Variants in SPOCK1 observed in about 807,000 individuals in gnomAD.
The protein encoded by SPOCK1 is SPARC (osteonectin), cwcv and kazal like domains proteoglycan 1, also known as testican-1.
SPOCK1 carries 23 observed loss-of-function variants against 55.3 expected under a neutral mutation model. The observed-to-expected ratio is 0.42, with a 90% CI of 0.30 to 0.59. The LOEUF is 0.59. Ranked by LOEUF, SPOCK1 falls within the 20% of genes least tolerant of loss-of-function variation. SPOCK1 has a pLI of 0.22. For synonymous variants in SPOCK1, 226 were observed against 221.0 expected (o/e 1.02, Z -0.20); for missense variants, 499 against 552.5 (o/e 0.90, Z 0.97).
chr5:137,045,106 G>A (rs1382131980), intron 6 of SPOCK1, among the ~76,000 whole-genome samples: 9 of 150,586 alleles, frequency 6.0e-5, no homozygotes, highest in African/African-American at 9.9e-5. Context: ...ATAAACATAC[G>A]TGTGCATGTG....
chr5:137,346,426 G>A (rs898242263), intron 2 of SPOCK1, among the ~76,000 whole-genome samples: 2 of 152,174 alleles, frequency 1.3e-5, no homozygotes, highest in African/African-American at 4.8e-5. Context: ...CCTGCTTCCA[G>A]CTATAACTCC....
intron 4 of SPOCK1, among the ~76,000 whole-genome samples, chr5:137,113,932 C>A (rs1561614143): frequency 6.6e-6 from 1 of 152,124 alleles, no homozygotes. Flanking sequence ...CTACCCTCTT[C>A]CAAATGAAGG....
At chr5:137,397,279 C>T (rs756906623) in intron 2 of SPOCK1, among the ~76,000 whole-genome samples, 7 of 152,220 alleles carry the variant, frequency 4.6e-5, no homozygotes, top group Non-Finnish European at 1.0e-4. Flanking sequence ...GAGCCACGCA[C>T]ACTCCTCCTC....
chr5:137,039,296 T>TTTG (rs1167984411), intron 6 of SPOCK1, among the ~76,000 whole-genome samples: 3 of 144,422 alleles, frequency 2.1e-5, no homozygotes, highest in Admixed American at 6.9e-5. Flanking sequence ...TTTTTTTTTT[T>TTTG]TTGTTGTTGC....
At chr5:137,008,007 G>A (rs1218420141) in intron 6 of SPOCK1, among the ~76,000 whole-genome samples, 1 of 151,782 alleles carries the variant, frequency 6.6e-6, no homozygotes, top group Admixed American at 6.6e-5. Context: ...GATGAAGCTG[G>A]AAACCATCAT....
intron 3 of SPOCK1, among the ~76,000 whole-genome samples, chr5:137,178,607 C>T (rs79575781): frequency 0.12 from 18,689 of 152,174 alleles, 1,323 homozygotes; most frequent in South Asian, 0.21. Context: ...ACAGAGTCTG[C>T]GGGGGAAGAA....
intron 3 of SPOCK1, among the ~76,000 whole-genome samples, chr5:137,152,932 C>G (rs779558734): frequency 5.9e-5 from 9 of 152,152 alleles, no homozygotes; most frequent in African/African-American, 1.4e-4. Flanking sequence ...TAGAATTTGC[C>G]GGAGATAATC....
intron 2 of SPOCK1, among the ~76,000 whole-genome samples, chr5:137,469,095 GA>G (rs1387094438): frequency 3.3e-5 from 5 of 152,200 alleles, no homozygotes; most frequent in Non-Finnish European, 7.4e-5. Context: ...GAAGTTGAAA[GA>G]ACTGGATTCC....
chr5:137,152,700 T>G (rs1754340556), intron 3 of SPOCK1, among the ~76,000 whole-genome samples: 1 of 152,200 alleles, frequency 6.6e-6, no homozygotes, highest in South Asian at 2.1e-4. Flanking sequence ...CATGACTCTG[T>G]CTTCTACAGT....
At position 137,277,596 on chromosome 5, in the gene SPOCK1, C is replaced by T. The variant is rs114707983; in HGVS notation, c.187-10541G>A. On this transcript the variant is annotated intron_variant, in intron 2 of 10. Transcript: ENST00000394945. The stretch of plus-strand genomic sequence containing the variant: ...AAATGGGAGGTGACAGCACAGATGA[C>T]GGGCCTCTCAAGAGATTCTCACTAC... Among the ~76,000 whole-genome samples the T allele has an allele frequency of 4.3e-3, 648 of 152,226 alleles. 3 individuals carry two copies. Among genetic ancestry groups the T allele is most frequent in the African/African-American group, 0.015 (623 of 41,512 alleles).
chr5:137,356,873 A>AGAGAGAGAGATAGT (rs796667572), intron 2 of SPOCK1, among the ~76,000 whole-genome samples: 2 of 69,824 alleles, frequency 2.9e-5, no homozygotes, highest in African/African-American at 1.5e-4. Context: ...AGAGAGAGAG[A>AGAGAGAGAGATAGT]GAGTATGCAG....
Position 137,426,377 on chromosome 5 carries a change from G to A in SPOCK1, c.186+71996C>T, listed in dbSNP as rs368219264. 1.6e-4 allele frequency among the ~76,000 whole-genome samples: 24 copies of A among 152,240 alleles called. No homozygotes were observed. In the East Asian group the frequency reaches 3.5e-3, roughly 22 times the overall value. ...AGAATTCTGGACACCCAATGTGAACGCACACCTTTTCAGGAACTCTTACTC... is the reference window on the plus strand; with the variant it reads ...AGAATTCTGGACACCCAATGTGAACACACACCTTTTCAGGAACTCTTACTC... On this transcript the variant is annotated intron_variant, in intron 2 of 10. Transcript: ENST00000394945.
At chr5:137,194,071 G>A (rs999783347) in intron 3 of SPOCK1, among the ~76,000 whole-genome samples, 3 of 152,098 alleles carry the variant, frequency 2.0e-5, no homozygotes, top group South Asian at 2.1e-4. Flanking sequence ...TCTTCCCTTC[G>A]CCCTAAGAAA....
intron 3 of SPOCK1, among the ~76,000 whole-genome samples, chr5:137,229,367 G>C (rs1208954633): frequency 2.0e-5 from 3 of 152,170 alleles, no homozygotes; most frequent in East Asian, 3.9e-4. Flanking sequence ...AGCTAAAAGG[G>C]GGGCTGGTCT....
intron 2 of SPOCK1, among the ~76,000 whole-genome samples, chr5:137,269,756 T>G (rs1342040075): frequency 6.6e-6 from 1 of 152,050 alleles, no homozygotes; most frequent in African/African-American, 2.4e-5. Context: ...CTCTAGAGCT[T>G]CACCTCCTGA....
intron 2 of SPOCK1, among the ~76,000 whole-genome samples, chr5:137,384,281 A>C (rs2127176317): frequency 6.6e-6 from 1 of 152,344 alleles, no homozygotes; most frequent in Admixed American, 6.5e-5. Flanking sequence ...AGAGCTGCCC[A>C]GTGGGACTCT....
At chr5:137,229,540 C>T (rs1756009198) in intron 3 of SPOCK1, among the ~76,000 whole-genome samples, 1 of 152,116 alleles carries the variant, frequency 6.6e-6, no homozygotes. Flanking sequence ...GACCCATCTG[C>T]TAGAAAGGTG....
At chr5:137,330,500 C>T (rs1758152569) in intron 2 of SPOCK1, among the ~76,000 whole-genome samples, 1 of 152,198 alleles carries the variant, frequency 6.6e-6, no homozygotes, top group Non-Finnish European at 1.5e-5. Flanking sequence ...TGTAAAAATT[C>T]ACACAGAAAG....
chr5:137,308,438 C>A (rs1757735749), intron 2 of SPOCK1, among the ~76,000 whole-genome samples: 1 of 152,216 alleles, frequency 6.6e-6, no homozygotes, highest in South Asian at 2.1e-4. Flanking sequence ...AGGTAGAAAA[C>A]CAGAAGCCAG....
Sources: gnomAD v4.1 joint callset for allele counts (sites outside exome capture counted in the v4.1 genomes callset) on GRCh38, gnomAD v4.1.1 for gene constraint, MANE v1.5 for transcripts, NCBI Gene and HGNC (gene_info 2026-07-23, HGNC 2026-07-21) for gene names.